NPAS2: variants seen among roughly 807,000 people sequenced by gnomAD.
The protein encoded by NPAS2 is neuronal PAS domain protein 2.
A neutral mutation model predicts 107.5 loss-of-function variants in NPAS2; 23 were observed. The ratio of observed to expected loss-of-function variants is 0.21; its 90% CI spans 0.15 to 0.30. The LOEUF (loss-of-function observed/expected upper bound fraction) is 0.30. Among genes scored for constraint, NPAS2 ranks in the 10% least tolerant of loss-of-function variants. The probability of loss-of-function intolerance (pLI) is 1.00; values close to 1 mark genes in which losing one functional copy is unlikely to be tolerated. For missense variants in NPAS2, 756 were observed against 1,043.3 expected (o/e 0.72, Z 3.79); for synonymous variants, 403 against 417.5 (o/e 0.97, Z 0.42).
chr2:100,944,578 T>C (rs1674773670), intron 5 of NPAS2, among the ~76,000 whole-genome samples: 1 of 152,244 alleles, frequency 6.6e-6, no homozygotes, highest in African/African-American at 2.4e-5. Flanking sequence ...ACCGTTCAAC[T>C]GCCGATGTAA....
intron 1 of NPAS2, among the ~76,000 whole-genome samples, chr2:100,839,421 G>A (rs148036451): frequency 7.2e-5 from 11 of 152,208 alleles, no homozygotes; most frequent in Middle Eastern, 3.4e-3. Context: ...GAGCCACCGC[G>A]CCTGGCCTGA....
At chr2:100,890,389 T>A (rs1386134242) in intron 1 of NPAS2, among the ~76,000 whole-genome samples, 1 of 152,064 alleles carries the variant, frequency 6.6e-6, no homozygotes, top group Non-Finnish European at 1.5e-5. Context: ...ATCTCCTTGA[T>A]AGTTTCTACC....
intron 1 of NPAS2, among the ~76,000 whole-genome samples, chr2:100,865,640 C>G (rs190148687): frequency 3.3e-5 from 5 of 152,246 alleles, no homozygotes; most frequent in African/African-American, 1.2e-4. Flanking sequence ...CACCTTCTGA[C>G]CCCATTTCAG....
intron 7 of NPAS2, among the ~76,000 whole-genome samples, 172 bp downstream of exon 7, chr2:100,949,652 A>G (rs1281954448): frequency 6.6e-6 from 1 of 152,182 alleles, no homozygotes; most frequent in Admixed American, 6.5e-5. Flanking sequence ...GTTCTCTCCC[A>G]TTCAAGAGGA....
At chr2:100,932,575 A>G (rs1353348457) in intron 3 of NPAS2, among the ~76,000 whole-genome samples, 1 of 151,180 alleles carries the variant, frequency 6.6e-6, no homozygotes, top group East Asian at 1.9e-4. Context: ...GTTTGTTCCT[A>G]TTGCCTTCAT....
At position 100,907,471 on chromosome 2, in the gene NPAS2, C is replaced by A. The variant is rs189063290; in HGVS notation, c.32+2685C>A. 4.8e-4 allele frequency among the ~76,000 whole-genome samples: 69 copies of A among 143,460 alleles called. 1 individual carries two copies. The East Asian group carries it at 9.5e-3, about 20-fold the overall frequency. The allele number at this position is 143,460 out of a possible 152,430, so 94.1% of individuals were successfully genotyped here. ...ACCCAGAAATAGCAAGGACGCAGTA[C>A]CCCTCCTAACACTTGGGAACACACA... On this transcript the variant is annotated intron_variant, in intron 2 of 20. Coordinates refer to ENST00000335681, the MANE Select transcript of NPAS2 (RefSeq NM_002518.4).
intron 3 of NPAS2, among the ~76,000 whole-genome samples, chr2:100,929,382 T>C (rs1407315731): frequency 1.3e-5 from 2 of 152,220 alleles, no homozygotes; most frequent in Non-Finnish European, 2.9e-5. Context: ...ACAGGGCTTC[T>C]TGTGGCTATT....
chr2:100,888,831 C>T (rs752110762), intron 1 of NPAS2, among the ~76,000 whole-genome samples: 14 of 152,158 alleles, frequency 9.2e-5, no homozygotes, highest in Non-Finnish European at 1.3e-4. Flanking sequence ...CTTGGACTCT[C>T]CTTGACACCC....
At position 100,990,877 on chromosome 2, in the gene NPAS2, G is replaced by C; in HGVS notation, c.2111+5G>C. The C allele has an allele frequency of 1.2e-6, 2 of 1,613,648 alleles. No individual in the cohort carries two copies. Among genetic ancestry groups the C allele is most frequent in the Non-Finnish European group, 1.7e-6 (2 of 1,179,596 alleles). On this transcript the variant is annotated splice_donor_5th_base_variant and intron_variant, in intron 19 of 20. Transcript: ENST00000335681. The stretch of plus-strand genomic sequence containing the variant: ...CAGGACGGGACGGCAAGTCAAGTAC[G>C]TGGACCCTGGCGGGAGGCAGGAGGC...
rs1439761622 is a variant in NPAS2 at position 100,976,269 on chromosome 2, G to A, written c.1392+702G>A. Reference sequence around the variant, plus strand: ...GAATGTCCAGCAGCCGGGCTGGGTGGCTGAGGGCTGGGCTCAGCTGAGGCC... The same window carrying A: ...GAATGTCCAGCAGCCGGGCTGGGTGACTGAGGGCTGGGCTCAGCTGAGGCC... On this transcript the variant is annotated intron_variant, in intron 14 of 20. Transcript: ENST00000335681. The surrounding 1 kb of genome is among the most constrained non-coding windows in gnomAD (Gnocchi z 4.1). Among the ~76,000 whole-genome samples, 1 of 152,064 alleles carries A rather than the reference G, an allele frequency of 6.6e-6. No individual in the cohort carries two copies. The highest frequency in any genetic ancestry group is 1.5e-5 in the Non-Finnish European group (1 of 68,020).
At chr2:100,867,298 G>A (rs998577603) in intron 1 of NPAS2, among the ~76,000 whole-genome samples, 1 of 152,168 alleles carries the variant, frequency 6.6e-6, no homozygotes, top group African/African-American at 2.4e-5. Context: ...TGATAGAGTT[G>A]TCAGTTTTTC....
intron 3 of NPAS2, among the ~76,000 whole-genome samples, chr2:100,929,447 T>C (rs1683802769): frequency 6.6e-6 from 1 of 152,184 alleles, no homozygotes; most frequent in South Asian, 2.1e-4. Context: ...GACTGCTGGT[T>C]CTCAACCTTG....
chr2:100,842,024 G>A (rs1677446040), intron 1 of NPAS2, among the ~76,000 whole-genome samples: 1 of 151,560 alleles, frequency 6.6e-6, no homozygotes, highest in Non-Finnish European at 1.5e-5. Flanking sequence ...ACACATGCAT[G>A]TATGCACACC....
intron 1 of NPAS2, among the ~76,000 whole-genome samples, chr2:100,873,650 T>C (rs985700725): frequency 6.6e-6 from 1 of 152,142 alleles, no homozygotes; most frequent in African/African-American, 2.4e-5. Flanking sequence ...CATTTTCTTA[T>C]GCTCTCTATA....
chr2:100,833,381 C>T (rs2104378940), intron 1 of NPAS2, among the ~76,000 whole-genome samples: 1 of 152,330 alleles, frequency 6.6e-6, no homozygotes, highest in Middle Eastern at 3.4e-3. Context: ...TTATTTTGCG[C>T]TGTGACCAGT....
At position 100,847,062 on chromosome 2, in the gene NPAS2, C is replaced by T. The variant is rs1036319943; in HGVS notation, c.-23+26648C>T. 4 of 152,338 alleles carry T rather than the reference C, an allele frequency of 2.6e-5. No homozygotes were observed. In the East Asian group the frequency reaches 7.7e-4, roughly 29 times the overall value. 9.4% of individuals were successfully genotyped at this position (152,338 alleles called of 1,614,324 possible). The stretch of plus-strand genomic sequence containing the variant: ...TGCTTTTAGCTCAGAACGCTTCAAG[C>T]TTTTGGAGTATGAGAAATAATAACA... On this transcript the variant is annotated intron_variant, in intron 1 of 20. Transcript: ENST00000335681.
intron 1 of NPAS2, among the ~76,000 whole-genome samples, chr2:100,834,585 C>A (rs1676941960): frequency 6.6e-6 from 1 of 152,224 alleles, no homozygotes; most frequent in South Asian, 2.1e-4. Flanking sequence ...TAGTGCTTCT[C>A]ATGTATGCCA....
At chr2:100,928,134 A>G (rs148493430) in intron 3 of NPAS2, among the ~76,000 whole-genome samples, 12 of 152,250 alleles carry the variant, frequency 7.9e-5, no homozygotes, top group East Asian at 7.7e-4. Flanking sequence ...AAAATGTGAC[A>G]GTGATGATAT....
At chr2:100,930,928 C>T (rs1035426906) in intron 3 of NPAS2, among the ~76,000 whole-genome samples, 2 of 152,148 alleles carry the variant, frequency 1.3e-5, no homozygotes, top group Non-Finnish European at 2.9e-5. Context: ...GATGAGTGTG[C>T]ATATTGGGGA....
Sources: gnomAD v4.1 joint callset for allele counts (sites outside exome capture counted in the v4.1 genomes callset) on GRCh38, gnomAD v4.1.1 for gene constraint, Gnocchi (gnomAD v3.1) non-coding constraint, MANE v1.5 for transcripts, NCBI Gene and HGNC (gene_info 2026-07-23, HGNC 2026-07-21) for gene names.